CCSER1: variants seen among roughly 807,000 people sequenced by gnomAD.
CCSER1 encodes the protein coiled-coil serine rich protein 1.
In CCSER1, 41 loss-of-function variants were observed where a neutral mutation model predicts 82.0. That is an observed-to-expected ratio of 0.50 (90% CI 0.39 to 0.65). The LOEUF is 0.65. CCSER1 is among the 30% of genes least tolerant of loss of function. The probability of loss-of-function intolerance (pLI) is 0.00; values close to 1 mark genes in which losing one functional copy is unlikely to be tolerated. For synonymous variants in CCSER1, 414 were observed against 383.9 expected (o/e 1.08, Z -0.92); for missense variants, 1,119 against 1,064.2 (o/e 1.05, Z -0.72).
intron 1 of CCSER1, among the ~76,000 whole-genome samples, chr4:90,248,566 C>T (rs72877732): frequency 0.045 from 6,828 of 152,156 alleles, 392 homozygotes; most frequent in African/African-American, 0.13. Flanking sequence ...GTTGGGTATG[C>T]GCCACCATTA....
chr4:91,304,976 AT>A (rs1157754133), intron 10 of CCSER1, among the ~76,000 whole-genome samples: 1 of 151,882 alleles, frequency 6.6e-6, no homozygotes, highest in Non-Finnish European at 1.5e-5. Context: ...AAACTAGATT[AT>A]TTTTCTTTGT....
rs753974186 is a variant in CCSER1, at chr4:91,296,795, G to T, written c.2217+210801G>T. ...TTAGAGGGAATTTATTACCAGACTG[G>T]GATTTTTTAAAATCTACCAAAAACC... is the stretch of plus-strand genomic sequence containing the variant. On this transcript the variant is annotated intron_variant, in intron 10 of 10. Transcript: ENST00000509176. Among the ~76,000 whole-genome samples, 75 of 150,970 alleles carry T rather than the reference G, an allele frequency of 5.0e-4. 2 individuals are homozygous for T. Among genetic ancestry groups the T allele is most frequent in the Non-Finnish European group, 4.1e-4 (28 of 67,684 alleles).
intron 1 of CCSER1, among the ~76,000 whole-genome samples, chr4:90,223,905 C>T (rs1394073608): frequency 6.6e-6 from 1 of 152,132 alleles, no homozygotes; most frequent in African/African-American, 2.4e-5. Context: ...ACAATTAGAC[C>T]TTTATGACTT....
At chr4:91,329,430 T>C (rs915289596) in intron 10 of CCSER1, among the ~76,000 whole-genome samples, 7 of 152,224 alleles carry the variant, frequency 4.6e-5, no homozygotes, top group African/African-American at 1.7e-4. Context: ...AGGGAAATGC[T>C]GTTAAAATAT....
chr4:90,281,279 C>T (rs1441683787), intron 1 of CCSER1, among the ~76,000 whole-genome samples: 3 of 151,926 alleles, frequency 2.0e-5, no homozygotes, highest in Non-Finnish European at 4.4e-5. Context: ...AAACAACAGA[C>T]ATTGGGGCCT....
chr4:91,150,496 G>C (rs1317979508), intron 10 of CCSER1, among the ~76,000 whole-genome samples: 1 of 152,104 alleles, frequency 6.6e-6, no homozygotes, highest in Non-Finnish European at 1.5e-5. Context: ...GATTGCCCTG[G>C]CTAGAACATC....
At chr4:91,377,716 G>A (rs2149332466) in intron 10 of CCSER1, among the ~76,000 whole-genome samples, 1 of 152,224 alleles carries the variant, frequency 6.6e-6, no homozygotes, top group Non-Finnish European at 1.5e-5. Context: ...TCACTCTGAT[G>A]GTAGTTTCTT....
chr4:90,457,148 C>T (rs984566282), intron 4 of CCSER1, among the ~76,000 whole-genome samples: 1 of 152,162 alleles, frequency 6.6e-6, no homozygotes, highest in African/African-American at 2.4e-5. Context: ...CCCTGCGAGG[C>T]TATGGCTGGA....
At position 90,971,178 on chromosome 4, in the gene CCSER1, A is replaced by G. The variant is rs191603490; in HGVS notation, c.2172+47731A>G. Among the ~76,000 whole-genome samples the G allele has an allele frequency of 2.2e-3, 338 of 152,048 alleles. 3 individuals carry two copies. Among genetic ancestry groups the G allele is most frequent in the Admixed American group, 0.021 (323 of 15,228 alleles). ...TTGAGACCGCATTATTTATGGGGAA[A>G]AGAAGTTTAATTGACTCACAGTTCC... On this transcript the variant is annotated intron_variant, in intron 9 of 10. Coordinates refer to ENST00000509176, the MANE Select transcript of CCSER1 (RefSeq NM_001145065.2).
chr4:91,471,982 A>G (rs1403848208), intron 10 of CCSER1, among the ~76,000 whole-genome samples: 1 of 151,300 alleles, frequency 6.6e-6, no homozygotes, highest in Non-Finnish European at 1.5e-5. Context: ...AAAAAAAAAA[A>G]AAAAGAAAAA....
chr4:91,474,211 C>T (rs1578555805), intron 10 of CCSER1, among the ~76,000 whole-genome samples: 1 of 151,956 alleles, frequency 6.6e-6, no homozygotes, highest in Non-Finnish European at 1.5e-5. Context: ...AAAAACAAAA[C>T]CTTTGTATGT....
chr4:91,213,944 A>G (rs2149088959), intron 10 of CCSER1, among the ~76,000 whole-genome samples: 1 of 152,202 alleles, frequency 6.6e-6, no homozygotes, highest in African/African-American at 2.4e-5. Flanking sequence ...TCCTATATTT[A>G]TGGAAATGCC....
At chr4:90,932,012 A>T (rs1729882099) in intron 9 of CCSER1, among the ~76,000 whole-genome samples, 1 of 152,214 alleles carries the variant, frequency 6.6e-6, no homozygotes, top group Non-Finnish European at 1.5e-5. Context: ...TTGGCTTAAT[A>T]ACAAGCCAAC....
chr4:90,789,868 A>T (rs1352581359), intron 7 of CCSER1, among the ~76,000 whole-genome samples: 1 of 152,086 alleles, frequency 6.6e-6, no homozygotes, highest in African/African-American at 2.4e-5. Context: ...GGACTAATAC[A>T]CCTACTATAT....
At chr4:91,200,563 A>T (rs1735824758) in intron 10 of CCSER1, among the ~76,000 whole-genome samples, 1 of 152,076 alleles carries the variant, frequency 6.6e-6, no homozygotes, top group African/African-American at 2.4e-5. Context: ...TTAATTAAAA[A>T]TTGTTACTGA....
chr4:90,192,614 A>G (rs968840126), intron 1 of CCSER1, among the ~76,000 whole-genome samples: 3 of 152,120 alleles, frequency 2.0e-5, no homozygotes, highest in Non-Finnish European at 2.9e-5. Context: ...AGTAATTATC[A>G]TGAAGAAAAA....
intron 6 of CCSER1, among the ~76,000 whole-genome samples, chr4:90,659,817 G>T (rs7659314): frequency 0.51 from 77,474 of 151,290 alleles, 20,010 homozygotes; most frequent in Middle Eastern, 0.67. Flanking sequence ...ATTTGCTTGG[G>T]ATTCTGACTG....
chr4:91,210,660 G>A (rs999111375), intron 10 of CCSER1, among the ~76,000 whole-genome samples: 3 of 151,464 alleles, frequency 2.0e-5, no homozygotes, highest in Admixed American at 1.3e-4. Flanking sequence ...AAATGTTAAG[G>A]ATATAAAATT....
chr4:90,750,051 A>C (rs1299888416), intron 7 of CCSER1, among the ~76,000 whole-genome samples: 1 of 152,080 alleles, frequency 6.6e-6, no homozygotes, highest in East Asian at 1.9e-4. Flanking sequence ...AGTGATGGTG[A>C]GCATTTTTTC....
Sources: gnomAD v4.1 joint callset for allele counts (sites outside exome capture counted in the v4.1 genomes callset) on GRCh38, gnomAD v4.1.1 for gene constraint, MANE v1.5 for transcripts, NCBI Gene and HGNC (gene_info 2026-07-23, HGNC 2026-07-21) for gene names.